FBXW10B: variants seen among roughly 807,000 people sequenced by gnomAD.
The protein encoded by FBXW10B is F-box and WD repeat domain containing 10B, also known as F-box and WD repeat domain containing protein 10B.
At chr17:15,598,735 G>A in the FBXW10B span, 1 of 1,573,864 alleles carries the variant, frequency 6.4e-7, no homozygotes. Context: ...TAGATAATTA[G>A]TTAGTTGGGA....
chr17:15,617,519 A>AC, the FBXW10B span, among the ~76,000 whole-genome samples: 3 of 151,938 alleles, frequency 2.0e-5, no homozygotes, highest in African/African-American at 7.3e-5. Context: ...TTGAAATGTG[A>AC]CCCCCAATGC....
the FBXW10B span, chr17:15,596,583 G>A: frequency 1.9e-6 from 3 of 1,611,746 alleles, no homozygotes; most frequent in African/African-American, 1.3e-5. Context: ...TCACAATGTA[G>A]GTATCATTGA....
the FBXW10B span, chr17:15,618,895 T>C: frequency 3.7e-5 from 56 of 1,533,618 alleles, no homozygotes; most frequent in Non-Finnish European, 4.6e-5. Context: ...TGCTGCATTC[T>C]GTGCAATCTC....
chr17:15,573,469 T>C, the FBXW10B span: 1 of 152,238 alleles, frequency 6.6e-6, no homozygotes, highest in Non-Finnish European at 1.5e-5. Flanking sequence ...TCTCAAACTC[T>C]AGTGAACACA....
the FBXW10B span, among the ~76,000 whole-genome samples, chr17:15,606,872 A>G: frequency 6.6e-6 from 1 of 152,170 alleles, no homozygotes. Context: ...TTTGTTAATA[A>G]GATTCATGGC....
the FBXW10B span, chr17:15,566,232 G>A: frequency 2.1e-4 from 333 of 1,611,926 alleles, 2 homozygotes; most frequent in East Asian, 6.0e-3. Flanking sequence ...GCTGCAGGGC[G>A]CTAACAGTCA....
At chr17:15,604,762 C>T in the FBXW10B span, among the ~76,000 whole-genome samples, 1 of 152,224 alleles carries the variant, frequency 6.6e-6, no homozygotes, top group African/African-American at 2.4e-5. Context: ...TGGTCTTGAT[C>T]TCCTGACCTC....
chr17:15,567,107 TA>T, the FBXW10B span, among the ~76,000 whole-genome samples: 3 of 151,402 alleles, frequency 2.0e-5, no homozygotes, highest in African/African-American at 7.3e-5. Flanking sequence ...CCGCCTCTAC[TA>T]AAAATACAAA....
chr17:15,568,214 A>G, the FBXW10B span, among the ~76,000 whole-genome samples: 1 of 152,368 alleles, frequency 6.6e-6, no homozygotes, highest in African/African-American at 2.4e-5. Context: ...AAGTGTTGTC[A>G]AAGGTACATT....
At chr17:15,571,984 G>GGGT in the FBXW10B span, 1 of 151,280 alleles carries the variant, frequency 6.6e-6, no homozygotes, top group Admixed American at 6.6e-5. Flanking sequence ...AGGGGTGCGG[G>GGGT]GGACAGGAGG....
the FBXW10B span, among the ~76,000 whole-genome samples, chr17:15,592,890 G>T: frequency 9.9e-5 from 15 of 152,068 alleles, no homozygotes; most frequent in Non-Finnish European, 1.8e-4. Flanking sequence ...GGATCACGAG[G>T]TTGGGAGTTC....
the FBXW10B span, among the ~76,000 whole-genome samples, chr17:15,618,682 G>A: frequency 6.6e-6 from 1 of 152,096 alleles, no homozygotes; most frequent in Non-Finnish European, 1.5e-5. Context: ...AAGCAGGAAC[G>A]ACACCAGCAT....
chr17:15,602,624 G>GTTTTT, the FBXW10B span, among the ~76,000 whole-genome samples: 12 of 75,366 alleles, frequency 1.6e-4, no homozygotes, highest in Admixed American at 2.7e-4. Flanking sequence ...TTGAGACCGA[G>GTTTTT]TTTTTTTTTT....
the FBXW10B span, chr17:15,594,926 T>A: frequency 6.2e-7 from 1 of 1,611,706 alleles, no homozygotes; most frequent in Non-Finnish European, 8.5e-7. Flanking sequence ...CAACTCAGAC[T>A]GTGACTCCTC....
At chr17:15,611,207 A>G in the FBXW10B span, among the ~76,000 whole-genome samples, 5 of 151,950 alleles carry the variant, frequency 3.3e-5, no homozygotes, top group African/African-American at 1.2e-4. Flanking sequence ...TATTTTTAGT[A>G]GAGACAGGGT....
the FBXW10B span, among the ~76,000 whole-genome samples, chr17:15,576,116 G>A: frequency 3.9e-5 from 6 of 152,198 alleles, no homozygotes; most frequent in South Asian, 1.0e-3. Context: ...TGTAGACACC[G>A]TTCATCTACT....
At chr17:15,596,536 A>G in the FBXW10B span, 159 of 1,604,524 alleles carry the variant, frequency 9.9e-5, 1 homozygote, top group South Asian at 4.5e-4. Flanking sequence ...GGCCATGGCA[A>G]TGTGCCACAC....
At chr17:15,607,203 G>A in the FBXW10B span, among the ~76,000 whole-genome samples, 1 of 149,822 alleles carries the variant, frequency 6.7e-6, no homozygotes, top group Non-Finnish European at 1.5e-5. Flanking sequence ...TAGACTACAG[G>A]AAAACTTTGC....
At chr17:15,569,724 C>T in the FBXW10B span, among the ~76,000 whole-genome samples, 1 of 151,996 alleles carries the variant, frequency 6.6e-6, no homozygotes, top group African/African-American at 2.4e-5. Context: ...TGCGAGCCAA[C>T]ACACCCAGCT....
Sources: allele counts gnomAD v4.1 joint callset (sites outside exome capture counted in the v4.1 genomes callset), GRCh38; gene constraint gnomAD v4.1.1; transcripts MANE v1.5; gene names NCBI Gene and HGNC (gene_info 2026-07-23, HGNC 2026-07-21).